Variants in RSPO3 observed in about 807,000 individuals in gnomAD.
The protein encoded by RSPO3 is R-spondin-3.
In RSPO3, 17 loss-of-function variants were observed where a neutral mutation model predicts 36.5. The observed-to-expected ratio is 0.47, with a 90% CI of 0.32 to 0.70. RSPO3 has a LOEUF of 0.70. RSPO3 is among the 30% of genes least tolerant of loss of function. RSPO3 has a pLI of 0.04. For synonymous variants in RSPO3, 108 were observed against 107.0 expected (o/e 1.01, Z -0.06); for missense variants, 294 against 322.5 (o/e 0.91, Z 0.68).
chr6:127,174,675 T>C (rs1420087217), intron 4 of RSPO3, among the ~76,000 whole-genome samples: 1 of 151,868 alleles, frequency 6.6e-6, no homozygotes, highest in Non-Finnish European at 1.5e-5. Flanking sequence ...TTTAAGTGTA[T>C]GTGTGCTACA....
chr6:127,155,320 T>C lies in RSPO3; in HGVS notation c.516T>C (p.Thr172=). Reference sequence around the variant, plus strand: ...AAACATGTGGCTTCAAAAGAGGGACTGAAACACGGGTCCGAGAAATAATAC... The same window carrying C: ...AAACATGTGGCTTCAAAAGAGGGACCGAAACACGGGTCCGAGAAATAATAC... The part of the protein sequence containing the change: ...KGKTCGFKRG[T]ETRVREIIQH... Residue 172 remains threonine, a synonymous_variant, in exon 4 of 5, where the codon ACT becomes ACC. Transcript: ENST00000356698. 6.2e-7 allele frequency: 1 copy of C among 1,613,916 alleles called. No individual in the cohort carries two copies. The highest frequency in any genetic ancestry group is 1.3e-5 in the African/African-American group (1 of 75,000).
At chr6:127,183,517 A>G (rs1331460775) in intron 4 of RSPO3, among the ~76,000 whole-genome samples, 1 of 151,992 alleles carries the variant, frequency 6.6e-6, no homozygotes, top group Non-Finnish European at 1.5e-5. Context: ...GTAACACCAA[A>G]GCATCTCTGT....
intron 1 of RSPO3, among the ~76,000 whole-genome samples, chr6:127,129,045 T>G (rs1001229604): frequency 1.3e-5 from 2 of 152,132 alleles, no homozygotes; most frequent in African/African-American, 4.8e-5. Context: ...GAGTCCTCCT[T>G]GTTTTTAGGG....
chr6:127,193,952 AT>A (rs1775464380), intron 4 of RSPO3, among the ~76,000 whole-genome samples: 1 of 152,158 alleles, frequency 6.6e-6, no homozygotes, highest in Admixed American at 6.5e-5. Flanking sequence ...GTCCAAAACA[AT>A]TTGCTTCACC....
intron 4 of RSPO3, among the ~76,000 whole-genome samples, chr6:127,189,462 G>A (rs1157907293): frequency 6.6e-6 from 1 of 152,058 alleles, no homozygotes; most frequent in Non-Finnish European, 1.5e-5. Flanking sequence ...ATATCACAGT[G>A]GACAAGGACC....
intron 4 of RSPO3, among the ~76,000 whole-genome samples, chr6:127,187,630 G>C (rs921454068): frequency 1.3e-5 from 2 of 152,062 alleles, no homozygotes; most frequent in African/African-American, 2.4e-5. Flanking sequence ...CTACATGTAA[G>C]TCAATGTATC....
chr6:127,172,466 A>T (rs6569474), intron 4 of RSPO3, among the ~76,000 whole-genome samples: 80,878 of 151,304 alleles, frequency 0.53, 21,649 homozygotes, highest in African/African-American at 0.57. Context: ...GGTTATATAA[A>T]TCTGGGAACC....
chr6:127,155,533 A>T, intron 4 of RSPO3, 95 bp downstream of exon 4: 1 of 1,129,664 alleles, frequency 8.9e-7, no homozygotes, highest in South Asian at 1.4e-5. Context: ...ATTATCTTTC[A>T]TGCCTAATAT....
intron 3 of RSPO3, among the ~76,000 whole-genome samples, chr6:127,152,836 C>A (rs1181535280): frequency 2.0e-5 from 3 of 152,072 alleles, no homozygotes; most frequent in African/African-American, 7.2e-5. Context: ...TTCCTTTCTG[C>A]ACTGTCATTT....
At chr6:127,170,558 G>T (rs1055754683) in intron 4 of RSPO3, among the ~76,000 whole-genome samples, 7 of 151,556 alleles carry the variant, frequency 4.6e-5, no homozygotes, top group African/African-American at 1.7e-4. Flanking sequence ...GAATCTCAAA[G>T]AGATAGTTTT....
intron 1 of RSPO3, among the ~76,000 whole-genome samples, chr6:127,122,323 T>C (rs912349772): frequency 3.3e-5 from 5 of 152,226 alleles, no homozygotes; most frequent in African/African-American, 1.2e-4. Context: ...TCTATTTGAA[T>C]TGGTATACAG....
intron 1 of RSPO3, among the ~76,000 whole-genome samples, chr6:127,133,884 A>G (rs2186037): frequency 0.55 from 82,827 of 151,924 alleles, 22,640 homozygotes; most frequent in African/African-American, 0.61. Flanking sequence ...CCTGGAACTT[A>G]CCCTTGTAGT....
chr6:127,199,344 A>G lies in RSPO3; in HGVS notation c.*3337A>G, dbSNP rs1480611945. On this transcript the variant is annotated 3_prime_UTR_variant, in exon 5 of 5. Transcript: ENST00000356698. ...TTATGACTAATTCCACAAGTCAAAC[A>G]TATAAATTTTATTTCTTGATTCATG... is the stretch of plus-strand genomic sequence containing the variant. 6.6e-6 allele frequency among the ~76,000 whole-genome samples: 1 copy of G among 152,188 alleles called. No individual in the cohort carries two copies. The highest frequency in any genetic ancestry group is 1.5e-5 in the Non-Finnish European group (1 of 68,040).
chr6:127,179,786 A>C (rs1243317347), intron 4 of RSPO3, among the ~76,000 whole-genome samples: 1 of 151,870 alleles, frequency 6.6e-6, no homozygotes, highest in East Asian at 1.9e-4. Flanking sequence ...TCCAGATTTT[A>C]CAGGCTGCTC....
At position 127,119,244 on chromosome 6, in the gene RSPO3, T is replaced by A. The variant is rs920614985; in HGVS notation, c.52T>A (p.Tyr18Asn). Residue 18 changes from tyrosine to asparagine, a missense_variant, in exon 1 of 5, where the codon TAC becomes AAC. Tyr to Asn is a moderately radical substitution (Grantham distance 143). This residue lies in a region of RSPO3 where 61 missense variants were observed against 51.3 expected (regional missense o/e 1.19). Coordinates refer to ENST00000356698, the MANE Select transcript of RSPO3 (RefSeq NM_032784.5). The part of the protein sequence containing the change: ...WLFIILNFME[Y>N]IGSQNASRGR... ...TTTTATCATTTTGAACTTTATGGAATACATCGGCAGCCAAAACGCCTCCCG... is the reference window on the plus strand; with the variant it reads ...TTTTATCATTTTGAACTTTATGGAAAACATCGGCAGCCAAAACGCCTCCCG... The A allele has an allele frequency of 4.3e-6, 7 of 1,613,674 alleles. No homozygotes were observed. Among genetic ancestry groups the A allele is most frequent in the Non-Finnish European group, 5.9e-6 (7 of 1,179,774 alleles).
intron 1 of RSPO3, among the ~76,000 whole-genome samples, chr6:127,123,545 C>T (rs1282056612): frequency 6.6e-6 from 1 of 152,076 alleles, no homozygotes; most frequent in African/African-American, 2.4e-5. Flanking sequence ...ATTACATTAT[C>T]AGGGTTGTTT....
rs1383647880 is a variant in RSPO3, at chr6:127,198,375, T to A, written c.*2368T>A. Among the ~76,000 whole-genome samples, 1 of 152,190 alleles carries A rather than the reference T, an allele frequency of 6.6e-6. No individual in the cohort carries two copies. Among genetic ancestry groups the A allele is most frequent in the African/African-American group, 2.4e-5 (1 of 41,450 alleles). The stretch of plus-strand genomic sequence containing the variant: ...TAATTCTCCATCCACCAGTAACAGA[T>A]CCTTAAGACAATAGAATCATACAGT... On this transcript the variant is annotated 3_prime_UTR_variant, in exon 5 of 5. Coordinates refer to ENST00000356698, the MANE Select transcript of RSPO3 (RefSeq NM_032784.5).
Position 127,195,924 on chromosome 6 carries a change from G to C in RSPO3, c.736G>C (p.Glu246Gln), listed in dbSNP as rs1775505763. The C allele has an allele frequency of 6.8e-6, 11 of 1,613,156 alleles. No homozygotes were observed. Among genetic ancestry groups the C allele is most frequent in the Non-Finnish European group, 8.5e-6 (10 of 1,179,502 alleles). Reference protein sequence around the residue: ...KSLESSKEIPEQRENKQQQKK... With the variant: ...KSLESSKEIPQQRENKQQQKK... ...TCTGGAATCCAGCAAAGAAATCCCAGAGCAACGAGAAAACAAACAGCAGCA... is the reference window on the plus strand; with the variant it reads ...TCTGGAATCCAGCAAAGAAATCCCACAGCAACGAGAAAACAAACAGCAGCA... Residue 246 changes from glutamate to glutamine, a missense_variant, in exon 5 of 5, where the codon GAG becomes CAG. This residue lies in a region of RSPO3 where 190 missense variants were observed against 185.2 expected (regional missense o/e 1.03). Coordinates refer to ENST00000356698, the MANE Select transcript of RSPO3 (RefSeq NM_032784.5).
At chr6:127,178,569 T>G (rs1340906044) in intron 4 of RSPO3, among the ~76,000 whole-genome samples, 1 of 151,806 alleles carries the variant, frequency 6.6e-6, no homozygotes. Flanking sequence ...TATTGCTTTG[T>G]ATTACATTAT....
Sources: gnomAD v4.1 joint callset for allele counts (sites outside exome capture counted in the v4.1 genomes callset) on GRCh38, gnomAD v4.1.1 for gene constraint, gnomAD v4.1.1 regional missense constraint, MANE v1.5 for transcripts, NCBI Gene and HGNC (gene_info 2026-07-23, HGNC 2026-07-21) for gene names.